ABCD4: variants seen among roughly 807,000 people sequenced by gnomAD.
ABCD4 encodes ATP binding cassette subfamily D member 4.
A neutral mutation model predicts 86.3 loss-of-function variants in ABCD4; 53 were observed. The observed-to-expected ratio is 0.61, with a 90% CI of 0.49 to 0.77. The LOEUF (loss-of-function observed/expected upper bound fraction) is 0.77, where lower values mean the gene tolerates loss of function less well. Ranked by LOEUF, ABCD4 falls within the 30% of genes least tolerant of loss-of-function variation. The probability of loss-of-function intolerance (pLI) is 0.00; values close to 1 mark genes in which losing one functional copy is unlikely to be tolerated. For synonymous variants in ABCD4, 328 were observed against 313.6 expected (o/e 1.05, Z -0.49); for missense variants, 757 against 764.5 (o/e 0.99, Z 0.12).
intron 3 of ABCD4, among the ~76,000 whole-genome samples, chr14:74,298,292 A>G (rs2083407770): frequency 1.3e-5 from 2 of 151,778 alleles, no homozygotes; most frequent in African/African-American, 4.8e-5. Flanking sequence ...TTTCTCTGAG[A>G]TGGAGTTTTA....
Position 74,286,364 on chromosome 14 carries a change from G to T in ABCD4, c.*97C>A. ...TGTGGCTCCTGCACGGGATCTATGT[G>T]GCGAACCTGAGCTCGATCTTCGCTG... On this transcript the variant is annotated 3_prime_UTR_variant, in exon 19 of 19. Coordinates refer to ENST00000356924, the MANE Select transcript of ABCD4 (RefSeq NM_005050.4). 7.4e-7 allele frequency: 1 copy of T among 1,354,282 alleles called. No homozygotes were observed. Among genetic ancestry groups the T allele is most frequent in the Non-Finnish European group, 1.0e-6 (1 of 953,104 alleles). 83.9% of individuals were successfully genotyped at this position (1,354,282 alleles called of 1,614,324 possible).
chr14:74,299,209 G>T, intron 3 of ABCD4: 1 of 232,352 alleles, frequency 4.3e-6, no homozygotes, highest in Non-Finnish European at 8.5e-6. Flanking sequence ...TCCCGCAGAG[G>T]AGGAGCAGCA....
At position 74,297,929 on chromosome 14, in the gene ABCD4, C is replaced by T. The variant is rs777690975; in HGVS notation, c.425+1G>A. 15 of 1,612,692 alleles carry T rather than the reference C, an allele frequency of 9.3e-6. No individual in the cohort carries two copies. The highest frequency in any genetic ancestry group is 2.2e-5 in the East Asian group (1 of 44,860). ...AGAAAGGACTGAGTTGGGGCGCCTACGGGTTATCGATGTCATCCCGCAGCA... is the reference window on the plus strand; with the variant it reads ...AGAAAGGACTGAGTTGGGGCGCCTATGGGTTATCGATGTCATCCCGCAGCA... On this transcript the variant is annotated splice_donor_variant, in intron 4 of 18. Coordinates refer to ENST00000356924, the MANE Select transcript of ABCD4 (RefSeq NM_005050.4). LOFTEE classifies it high-confidence loss of function.
chr14:74,295,198 C>A lies in ABCD4; in HGVS notation c.669G>T (p.Arg223Ser). ...VHQEKLEGDFRFKHMQIRVNA... is the reference protein window; with the variant it reads ...VHQEKLEGDFSFKHMQIRVNA... ...TCACCCGAATCTGCATGTGCTTGAA[C>A]CTGGGCGGACCAAAGGGAAATGTGT... Residue 223 changes from arginine to serine, a missense_variant and splice_region_variant, in exon 7 of 19, where the codon AGG becomes AGT. Physicochemically the swap from Arg to Ser is moderately radical, Grantham distance 110. Transcript: ENST00000356924. The A allele has an allele frequency of 6.2e-7, 1 of 1,614,218 alleles. No individual in the cohort carries two copies. Among genetic ancestry groups the A allele is most frequent in the South Asian group, 1.1e-5 (1 of 91,074 alleles).
Position 74,288,224 on chromosome 14 carries a change from C to T in ABCD4, c.1542G>A (p.Gln514=), listed in dbSNP as rs778839642. Residue 514 remains glutamine, a synonymous_variant, in exon 16 of 19, where the codon CAG becomes CAA. Transcript: ENST00000356924. The stretch of plus-strand genomic sequence containing the variant: ...TTTCTTACCAGTTCCAGTCCACCTG[C>T]TGGTCCAGGCCCTCTGTCCTTGCCA... ...NLVARTEGLD[Q]QVDWNWYDVL... 1.2e-6 allele frequency: 2 copies of T among 1,612,200 alleles called. No homozygotes were observed. Among genetic ancestry groups the T allele is most frequent in the South Asian group, 1.1e-5 (1 of 90,618 alleles).
Position 74,289,375 on chromosome 14 carries a change from C to A in ABCD4, c.1456+108G>T, listed in dbSNP as rs553292795. 690 of 1,517,186 alleles carry A rather than the reference C, an allele frequency of 4.5e-4. 11 individuals are homozygous for A. In the South Asian group the frequency reaches 8.5e-3, roughly 19 times the overall value. 94.0% of individuals were successfully genotyped at this position (1,517,186 alleles called of 1,614,324 possible). A position where few individuals can be genotyped will look rare whatever the true frequency, so the allele number is the denominator to read the frequency against. ...GAGGAGCCCCTCTTCCTTGAATCAG[C>A]GGCCTGGCTGGAGCCTCTCCCCAAG... On this transcript the variant is annotated intron_variant, in intron 14 of 18. Transcript: ENST00000356924.
chr14:74,296,502 G>C, intron 4 of ABCD4, 53 bp from the exon 5 acceptor site: 2 of 1,530,866 alleles, frequency 1.3e-6, no homozygotes, highest in Non-Finnish European at 1.8e-6. Flanking sequence ...CCCAAAGGTA[G>C]AGAGAACAAG....
Position 74,290,315 on chromosome 14 carries a change from C to T in ABCD4, c.1303G>A (p.Gly435Ser), listed in dbSNP as rs746653976. The change falls in exon 12 of 19, where the codon GGT (glycine) becomes AGT (serine). Residue 435 changes from glycine to serine, a missense_variant. Gly to Ser is a moderately conservative substitution (Grantham distance 56, BLOSUM62 0). Transcript: ENST00000356924. Reference sequence around the variant, plus strand: ...CCCCGTGTACTCGTCCAGAGGCCACCCAGAACCCGGAGCAAGGAGGTCTTG... The same window carrying T: ...CCCCGTGTACTCGTCCAGAGGCCACTCAGAACCCGGAGCAAGGAGGTCTTG... Reference protein sequence around the residue: ...TGKTSLLRVLGGLWTSTRGSV... With the variant: ...TGKTSLLRVLSGLWTSTRGSV... 6.2e-6 allele frequency: 10 copies of T among 1,614,154 alleles called. No individual in the cohort carries two copies. The highest frequency in any genetic ancestry group is 1.1e-5 in the South Asian group (1 of 91,082).
intron 14 of ABCD4, 106 bp downstream of exon 14, chr14:74,289,377 G>T (rs2080817196): frequency 3.2e-5 from 49 of 1,527,462 alleles, no homozygotes; most frequent in Non-Finnish European, 4.2e-5. Context: ...TGAATCAGCG[G>T]CCTGGCTGGA....
At chr14:74,287,227 T>C (rs992028083) in intron 17 of ABCD4, among the ~76,000 whole-genome samples, 6 of 152,092 alleles carry the variant, frequency 3.9e-5, no homozygotes, top group Admixed American at 6.5e-5. Context: ...CCTTCAATGT[T>C]GGCTCCTGGC....
chr14:74,296,122 G>A, intron 5 of ABCD4, 143 bp from the exon 6 acceptor site: 1 of 1,249,406 alleles, frequency 8.0e-7, no homozygotes, highest in South Asian at 1.5e-5. Context: ...CTATGTGGGG[G>A]CATCTGGTAT....
chr14:74,288,037 C>T, intron 16 of ABCD4, 151 bp from the exon 17 acceptor site: 1 of 1,042,850 alleles, frequency 9.6e-7, no homozygotes, highest in Non-Finnish European at 1.4e-6. Flanking sequence ...GCCTACAGCC[C>T]TCACAGAGTG....
At position 74,290,328 on chromosome 14, in the gene ABCD4, C is replaced by A; in HGVS notation, c.1290G>T (p.Leu430Phe). ...TCCAGAGGCCACCCAGAACCCGGAG[C>A]AAGGAGGTCTTGCCAGTGCCCGTGT... is the stretch of plus-strand genomic sequence containing the variant. Reference protein sequence around the residue: ...TGNTGTGKTSLLRVLGGLWTS... With the variant: ...TGNTGTGKTSFLRVLGGLWTS... The change falls in exon 12 of 19, where the codon TTG (leucine) becomes TTT (phenylalanine). Residue 430 changes from leucine to phenylalanine, a missense_variant. Leu to Phe is a conservative substitution (Grantham distance 22, BLOSUM62 0). Transcript: ENST00000356924. 1 of 1,614,198 alleles carries A rather than the reference C, an allele frequency of 6.2e-7. No homozygotes were observed. The highest frequency in any genetic ancestry group is 8.5e-7 in the Non-Finnish European group (1 of 1,180,040).
chr14:74,293,218 G>A lies in ABCD4; in HGVS notation c.750C>T (p.Asp250=), dbSNP rs2082014122. ...RAGHVEHMRT[D]RRLQRLLQTQ... ...TCTGAAGGAGTCTCTGCAGCCTGCG[G>A]TCTGTCCTCATGTGCTCCACATGCC... Residue 250 remains aspartate (D), a synonymous_variant, in exon 8 of 19, where the codon GAC becomes GAT. Coordinates refer to ENST00000356924, the MANE Select transcript of ABCD4 (RefSeq NM_005050.4). The A allele has an allele frequency of 2.5e-6, 4 of 1,614,020 alleles. No homozygotes were observed. The highest frequency in any genetic ancestry group is 3.4e-6 in the Non-Finnish European group (4 of 1,180,038).
intron 4 of ABCD4, chr14:74,297,451 TC>T (rs931345277): frequency 6.6e-6 from 1 of 152,410 alleles, no homozygotes; most frequent in African/African-American, 2.4e-5. Flanking sequence ...AGCTGGTTTT[TC>T]TAGCAAGGAC....
At chr14:74,287,685 C>T (rs906600199) in intron 17 of ABCD4, 125 bp downstream of exon 17, 3 of 898,192 alleles carry the variant, frequency 3.3e-6, no homozygotes, top group Non-Finnish European at 5.2e-6. Flanking sequence ...CTGCTGTCCT[C>T]TCCAGCAGGG....
chr14:74,290,879 G>A (rs2081323379), intron 11 of ABCD4, among the ~76,000 whole-genome samples: 1 of 151,846 alleles, frequency 6.6e-6, no homozygotes, highest in Non-Finnish European at 1.5e-5. Context: ...CACTATGTTG[G>A]CCAGTCTGGT....
intron 1 of ABCD4, among the ~76,000 whole-genome samples, chr14:74,301,133 C>A (rs1273717012): frequency 6.9e-6 from 1 of 145,938 alleles, no homozygotes; most frequent in Non-Finnish European, 1.5e-5. Context: ...GGATTACAGG[C>A]GTGAGCCACC....
intron 4 of ABCD4, chr14:74,297,549 G>A (rs974031740): frequency 5.4e-5 from 10 of 186,110 alleles, no homozygotes; most frequent in Non-Finnish European, 9.2e-5. Context: ...AAAGAAAGCT[G>A]CTCCTAACAT....
Sources: gnomAD v4.1 joint callset for allele counts (sites outside exome capture counted in the v4.1 genomes callset) on GRCh38, gnomAD v4.1.1 for gene constraint, MANE v1.5 for transcripts, NCBI Gene and HGNC (gene_info 2026-07-23, HGNC 2026-07-21) for gene names.